Variants in PTPRM observed in about 807,000 individuals in gnomAD.
PTPRM encodes protein tyrosine phosphatase receptor type M, also known as receptor-type tyrosine-protein phosphatase mu.
In PTPRM, 47 loss-of-function variants were observed where a neutral mutation model predicts 186.7. That is an observed-to-expected ratio of 0.25 (90% CI 0.20 to 0.32). The LOEUF is 0.32. Among genes scored for constraint, PTPRM ranks in the 10% least tolerant of loss-of-function variants. The pLI is 1.00. For synonymous variants in PTPRM, 668 were observed against 674.9 expected (o/e 0.99, Z 0.16); for missense variants, 1,494 against 1,865.0 (o/e 0.80, Z 3.66).
chr18:7,869,269 C>T (rs1258520093), intron 2 of PTPRM, among the ~76,000 whole-genome samples: 1 of 152,174 alleles, frequency 6.6e-6, no homozygotes, highest in African/African-American at 2.4e-5. Context: ...GCAGCTAGCT[C>T]AGTGTCTGCC....
intron 14 of PTPRM, among the ~76,000 whole-genome samples, chr18:8,236,421 AC>A (rs1021852860): frequency 6.6e-6 from 1 of 152,206 alleles, no homozygotes; most frequent in African/African-American, 2.4e-5. Context: ...TTAGCATGGT[AC>A]ATTTTTCTCC....
chr18:7,788,737 G>A (rs2043203775), intron 2 of PTPRM, among the ~76,000 whole-genome samples: 1 of 152,138 alleles, frequency 6.6e-6, no homozygotes, highest in South Asian at 2.1e-4. Flanking sequence ...AATTCTGTAA[G>A]GCAACATATT....
chr18:7,577,334 T>G (rs1233378870), intron 1 of PTPRM, among the ~76,000 whole-genome samples: 1 of 152,206 alleles, frequency 6.6e-6, no homozygotes, highest in Non-Finnish European at 1.5e-5. Flanking sequence ...GATATAATAC[T>G]GATCACTAAA....
intron 11 of PTPRM, among the ~76,000 whole-genome samples, chr18:8,099,128 C>A (rs2091159635): frequency 6.6e-6 from 1 of 151,990 alleles, no homozygotes; most frequent in Admixed American, 6.5e-5. Context: ...CACAGTCTCT[C>A]CACAGTCTCT....
chr18:8,297,303 A>G (rs903331194), intron 20 of PTPRM, among the ~76,000 whole-genome samples: 4 of 152,258 alleles, frequency 2.6e-5, no homozygotes, highest in African/African-American at 9.6e-5. Flanking sequence ...CTCATTTCTT[A>G]CGAGAGAACA....
At chr18:8,378,435 G>A in intron 27 of PTPRM, 21 bp downstream of exon 27, 1 of 1,612,848 alleles carries the variant, frequency 6.2e-7, no homozygotes. Context: ...CCTAAGGGAG[G>A]GGCACTGCAC....
chr18:8,162,568 C>G (rs1476714186), intron 14 of PTPRM, among the ~76,000 whole-genome samples: 1 of 152,206 alleles, frequency 6.6e-6, no homozygotes, highest in South Asian at 2.1e-4. Context: ...ACCCTGAGCA[C>G]TGAGTGCTGG....
At chr18:7,807,490 A>G (rs754689378) in intron 2 of PTPRM, among the ~76,000 whole-genome samples, 5 of 151,650 alleles carry the variant, frequency 3.3e-5, no homozygotes, top group Admixed American at 6.6e-5. Context: ...AACCCCCACC[A>G]CCTCCCGCCC....
intron 14 of PTPRM, among the ~76,000 whole-genome samples, chr18:8,164,446 A>G (rs1235081024): frequency 6.6e-6 from 1 of 152,238 alleles, no homozygotes; most frequent in Non-Finnish European, 1.5e-5. Flanking sequence ...AGAAGCAACC[A>G]AGTGTCCTTT....
At position 7,926,574 on chromosome 18, in the gene PTPRM, C is replaced by G. The variant is rs1172762326; in HGVS notation, c.554C>G (p.Thr185Ser). ...VKVLGHPCTRTPHFLRIQNVE... is the reference protein window; with the variant it reads ...VKVLGHPCTRSPHFLRIQNVE... ...ATTCTTTTTCTTTATGTAGCCAGGA[C>G]TCCTCACTTCCTGCGGATTCAGAAT... The change falls in exon 5 of 33, where the codon ACT becomes AGT. Residue 185 changes from threonine to serine, a missense_variant. Physicochemically the swap from Thr to Ser is moderately conservative, Grantham distance 58 (BLOSUM62 1). Transcript: ENST00000580170. 7 of 1,611,554 alleles carry G rather than the reference C, an allele frequency of 4.3e-6. No homozygotes were observed. In the Admixed American group the frequency reaches 1.0e-4, roughly 23 times the overall value.
At chr18:8,159,321 A>C (rs2146322811) in intron 14 of PTPRM, among the ~76,000 whole-genome samples, 1 of 152,254 alleles carries the variant, frequency 6.6e-6, no homozygotes, top group South Asian at 2.1e-4. Flanking sequence ...ATCCCCTGGA[A>C]GATGTTCTTA....
chr18:7,849,779 A>T (rs1473959606), intron 2 of PTPRM, among the ~76,000 whole-genome samples: 1 of 152,254 alleles, frequency 6.6e-6, no homozygotes, highest in Non-Finnish European at 1.5e-5. Flanking sequence ...GGTTGAGAAC[A>T]ACATATGAGA....
chr18:7,818,652 A>G (rs557989438), intron 2 of PTPRM, among the ~76,000 whole-genome samples: 4 of 152,348 alleles, frequency 2.6e-5, no homozygotes, highest in African/African-American at 7.2e-5. Context: ...TGCTCCCCCA[A>G]AATGGAAGTA....
intron 7 of PTPRM, among the ~76,000 whole-genome samples, chr18:8,055,827 A>G (rs1446351118): frequency 6.6e-6 from 1 of 152,216 alleles, no homozygotes; most frequent in Non-Finnish European, 1.5e-5. Context: ...TACTTTACAC[A>G]CTGTTATTCG....
intron 4 of PTPRM, among the ~76,000 whole-genome samples, chr18:7,916,101 T>G (rs1393837330): frequency 1.3e-5 from 2 of 151,760 alleles, no homozygotes; most frequent in Non-Finnish European, 2.9e-5. Context: ...CCCTGAAAGG[T>G]GGGACGGGGA....
At chr18:8,215,562 T>G (rs2147007819) in intron 14 of PTPRM, among the ~76,000 whole-genome samples, 1 of 148,280 alleles carries the variant, frequency 6.7e-6, no homozygotes, top group South Asian at 2.2e-4. Flanking sequence ...TTTTTTTTTT[T>G]TTTTGAGACA....
At chr18:8,338,177 A>T (rs2095451310) in intron 22 of PTPRM, among the ~76,000 whole-genome samples, 1 of 151,888 alleles carries the variant, frequency 6.6e-6, no homozygotes, top group Non-Finnish European at 1.5e-5. Flanking sequence ...TGTGCTTGTG[A>T]AGCTGAATTT....
At chr18:8,204,406 A>G (rs1265345626) in intron 14 of PTPRM, among the ~76,000 whole-genome samples, 2 of 152,098 alleles carry the variant, frequency 1.3e-5, no homozygotes, top group African/African-American at 2.4e-5. Flanking sequence ...ATTTAGTGAA[A>G]TACTCTGATA....
At chr18:8,280,883 C>G (rs2094896218) in intron 19 of PTPRM, among the ~76,000 whole-genome samples, 1 of 152,128 alleles carries the variant, frequency 6.6e-6, no homozygotes, top group African/African-American at 2.4e-5. Flanking sequence ...ATGCAGGCCC[C>G]CTCTTCAGGC....
Sources: allele counts gnomAD v4.1 joint callset (sites outside exome capture counted in the v4.1 genomes callset), GRCh38; gene constraint gnomAD v4.1.1; transcripts MANE v1.5; gene names NCBI Gene and HGNC (gene_info 2026-07-23, HGNC 2026-07-21).